The following VAV3 variants were observed in gnomAD, a reference collection of about 807,000 sequenced individuals.
VAV3 encodes guanine nucleotide exchange factor VAV3.
VAV3 carries 94 observed loss-of-function variants against 131.2 expected under a neutral mutation model. That is an observed-to-expected ratio of 0.72 (90% CI 0.61 to 0.85). The LOEUF is 0.85. Among genes scored for constraint, VAV3 ranks in the 40% least tolerant of loss-of-function variants. The pLI is 0.00. For missense variants in VAV3, 939 were observed against 1,002.7 expected, an observed-to-expected ratio of 0.94 and a Z score of 0.86; for synonymous variants, 349 against 342.0, an observed-to-expected ratio of 1.02 and a Z score of -0.22.
At chr1:107,751,975 A>G (rs1038455156) in intron 12 of VAV3, among the ~76,000 whole-genome samples, 1 of 152,240 alleles carries the variant, frequency 6.6e-6, no homozygotes, top group African/African-American at 2.4e-5. Flanking sequence ...TTTTCTGCAC[A>G]AATAGAAAAT....
At chr1:107,890,678 G>A (rs1671269931) in intron 1 of VAV3, among the ~76,000 whole-genome samples, 1 of 152,214 alleles carries the variant, frequency 6.6e-6, no homozygotes. Flanking sequence ...CCTTCTTTGA[G>A]TCATATGTTC....
At position 107,816,241 on chromosome 1, in the gene VAV3, T is replaced by C. The variant is rs140596741; in HGVS notation, c.322-36749A>G. 3.0e-3 allele frequency among the ~76,000 whole-genome samples: 464 copies of C among 152,324 alleles called. 5 individuals carry two copies. The highest frequency in any genetic ancestry group is 0.011 in the African/African-American group (442 of 41,582). Reference sequence around the variant, plus strand: ...AGTTGATGAATCTATACTTGAATAATGACTTGAAAATTGAGTACTTGGATG... The same window carrying C: ...AGTTGATGAATCTATACTTGAATAACGACTTGAAAATTGAGTACTTGGATG... On this transcript the variant is annotated intron_variant, in intron 2 of 26. Transcript: ENST00000370056.
chr1:107,672,915 T>A (rs567885112), intron 19 of VAV3, among the ~76,000 whole-genome samples: 1 of 152,284 alleles, frequency 6.6e-6, no homozygotes, highest in African/African-American at 2.4e-5. Context: ...CATATTCTCA[T>A]ACCCCAATAA....
Position 107,777,242 on chromosome 1 carries a change from A to G in VAV3, c.435T>C (p.Pro145=). The change falls in exon 4 of 27, where the codon CCT becomes CCC. Residue 145 remains proline, a synonymous_variant. Transcript: ENST00000370056. ...AATTTTCAACATACTCTATTAAATC[A>G]GGAAGGCCTTTGTAGATGTCTTCAT... ...INDEDIYKGL[P]DLIDETLVED... The G allele has an allele frequency of 6.2e-7, 1 of 1,613,998 alleles. No homozygotes were observed. Among genetic ancestry groups the G allele is most frequent in the East Asian group, 2.2e-5 (1 of 44,882 alleles).
At chr1:107,756,758 AC>A (rs1664122928) in intron 11 of VAV3, among the ~76,000 whole-genome samples, 2 of 152,222 alleles carry the variant, frequency 1.3e-5, no homozygotes, top group South Asian at 4.2e-4. Context: ...ACTGAAATTC[AC>A]TTGTATGAAG....
chr1:107,780,182 A>G (rs1557842480), intron 2 of VAV3, among the ~76,000 whole-genome samples: 1 of 152,222 alleles, frequency 6.6e-6, no homozygotes, highest in Non-Finnish European at 1.5e-5. Flanking sequence ...AATGCCTATA[A>G]TAATAGTTAG....
chr1:107,641,967 A>G (rs1655375211), intron 20 of VAV3, among the ~76,000 whole-genome samples: 1 of 152,308 alleles, frequency 6.6e-6, no homozygotes, highest in African/African-American at 2.4e-5. Context: ...CATATCATGT[A>G]AAGTTTCTGA....
intron 2 of VAV3, among the ~76,000 whole-genome samples, chr1:107,796,922 T>G (rs186445565): frequency 6.9e-5 from 10 of 145,894 alleles, no homozygotes; most frequent in African/African-American, 2.5e-4. Context: ...CCTCAAAATA[T>G]TAAATAGTTT....
chr1:107,602,091 A>C (rs911470599), intron 24 of VAV3, among the ~76,000 whole-genome samples: 1 of 152,152 alleles, frequency 6.6e-6, no homozygotes, highest in Non-Finnish European at 1.5e-5. Flanking sequence ...GAATCAGGAC[A>C]TAGAGGCAAA....
rs771067180 is a variant in VAV3, at chr1:107,772,837, G to C, written c.453C>G (p.Thr151=). The part of the protein sequence containing the change: ...YKGLPDLIDE[T]LVEDEEDLYD... ...AGAGATCTTCTTCATCTTCCACAAG[G>C]GTTTCACTACAACAAAGGATATCAT... The change falls in exon 5 of 27, where the codon ACC becomes ACG. Residue 151 remains threonine (T), a synonymous_variant. Coordinates refer to ENST00000370056, the MANE Select transcript of VAV3 (RefSeq NM_006113.5). 1 of 1,612,396 alleles carries C rather than the reference G, an allele frequency of 6.2e-7. No individual in the cohort carries two copies. The highest frequency in any genetic ancestry group is 1.7e-4 in the Middle Eastern group (1 of 6,048).
At chr1:107,766,690 T>C (rs1266881134) in intron 7 of VAV3, 140 bp from the exon 8 acceptor site, 2 of 636,564 alleles carry the variant, frequency 3.1e-6, no homozygotes, top group Non-Finnish European at 5.5e-6. Flanking sequence ...CTTCCACCAA[T>C]AAAGAGAGAG....
chr1:107,808,459 T>A (rs78107633), intron 2 of VAV3, among the ~76,000 whole-genome samples: 1,761 of 152,254 alleles, frequency 0.012, 24 homozygotes, highest in Middle Eastern at 0.027. Flanking sequence ...TTTCTGTTGG[T>A]ATATATTTTT....
At chr1:107,688,521 C>A in intron 17 of VAV3, 115 bp from the exon 18 acceptor site, 1 of 1,560,254 alleles carries the variant, frequency 6.4e-7, no homozygotes, top group Non-Finnish European at 8.7e-7. Context: ...TTAACTGATA[C>A]CTGTAATATA....
At chr1:107,946,341 G>A (rs1399625887) in intron 1 of VAV3, among the ~76,000 whole-genome samples, 3 of 152,198 alleles carry the variant, frequency 2.0e-5, no homozygotes, top group African/African-American at 4.8e-5. Flanking sequence ...AAAATAGATT[G>A]AGAGGGGTTA....
intron 1 of VAV3, among the ~76,000 whole-genome samples, chr1:107,929,131 T>G (rs1233817795): frequency 6.6e-6 from 1 of 151,760 alleles, no homozygotes; most frequent in Non-Finnish European, 1.5e-5. Flanking sequence ...GAGAAAAATT[T>G]ATGCCCATTA....
At chr1:107,816,792 T>C (rs1292795834) in intron 2 of VAV3, among the ~76,000 whole-genome samples, 1 of 152,260 alleles carries the variant, frequency 6.6e-6, no homozygotes, top group Non-Finnish European at 1.5e-5. Flanking sequence ...TAATGTTTAT[T>C]CAAACCCTCT....
At chr1:107,591,153 G>A (rs1032551596) in intron 25 of VAV3, among the ~76,000 whole-genome samples, 1 of 152,094 alleles carries the variant, frequency 6.6e-6, no homozygotes, top group Admixed American at 6.6e-5. Context: ...GTCAGCTCTT[G>A]TAGATCCTTT....
At chr1:107,827,560 G>A (rs1571007960) in intron 2 of VAV3, among the ~76,000 whole-genome samples, 1 of 152,168 alleles carries the variant, frequency 6.6e-6, no homozygotes, top group Non-Finnish European at 1.5e-5. Context: ...TGCCCCAGCT[G>A]CCCAAGTCAG....
At chr1:107,808,850 C>G (rs563943229) in intron 2 of VAV3, among the ~76,000 whole-genome samples, 1 of 152,082 alleles carries the variant, frequency 6.6e-6, no homozygotes, top group Non-Finnish European at 1.5e-5. Flanking sequence ...AATAATACTG[C>G]TGTATCAAAA....
Sources: allele counts gnomAD v4.1 joint callset (sites outside exome capture counted in the v4.1 genomes callset), GRCh38; gene constraint gnomAD v4.1.1; transcripts MANE v1.5; gene names NCBI Gene and HGNC (gene_info 2026-07-23, HGNC 2026-07-21).